Variants in CPE observed in about 807,000 individuals in gnomAD.
The protein encoded by CPE is carbocypeptidase E.
In CPE, 17 loss-of-function variants were observed where a neutral mutation model predicts 53.5. The observed-to-expected ratio is 0.32, with a 90% confidence interval of 0.22 to 0.48. The LOEUF (loss-of-function observed/expected upper bound fraction) is 0.48, where lower values mean the gene tolerates loss of function less well. Ranked by LOEUF, CPE falls within the 20% of genes least tolerant of loss-of-function variation. The pLI, the probability that CPE is intolerant of heterozygous loss-of-function variation, is 0.99. For synonymous variants in CPE, 226 were observed against 228.8 expected (o/e 0.99, Z 0.11); for missense variants, 524 against 614.7 (o/e 0.85, Z 1.56).
chr4:165,495,315 G>A (rs566802796), intron 7 of CPE, among the ~76,000 whole-genome samples: 12 of 152,214 alleles, frequency 7.9e-5, no homozygotes, highest in African/African-American at 2.2e-4. Flanking sequence ...ATGATCGTAC[G>A]AGGTTTATTA....
At chr4:165,417,648 A>G (rs1270507209) in intron 1 of CPE, among the ~76,000 whole-genome samples, 1 of 152,076 alleles carries the variant, frequency 6.6e-6, no homozygotes, top group Non-Finnish European at 1.5e-5. Flanking sequence ...AAAGTGATGT[A>G]GAAAAAAGCA....
intron 1 of CPE, among the ~76,000 whole-genome samples, chr4:165,427,064 T>C (rs1181349243): frequency 6.6e-6 from 1 of 152,224 alleles, no homozygotes; most frequent in Non-Finnish European, 1.5e-5. Flanking sequence ...CTTGAGTTAC[T>C]CCATATTGCT....
chr4:165,476,923 AG>A (rs1732311872), intron 3 of CPE, among the ~76,000 whole-genome samples: 1 of 152,212 alleles, frequency 6.6e-6, no homozygotes, highest in Non-Finnish European at 1.5e-5. Context: ...CAGGTGAAAG[AG>A]GGCAGTCCTG....
intron 1 of CPE, among the ~76,000 whole-genome samples, chr4:165,458,176 C>T (rs1731934761): frequency 6.6e-6 from 1 of 152,142 alleles, no homozygotes; most frequent in Admixed American, 6.5e-5. Context: ...TTCCAACTTG[C>T]TTGTATAGCA....
chr4:165,424,653 C>A (rs1373171549), intron 1 of CPE, among the ~76,000 whole-genome samples: 1 of 151,866 alleles, frequency 6.6e-6, no homozygotes. Flanking sequence ...CCTGCCTCAG[C>A]CTCCCGAGTA....
At position 165,493,280 on chromosome 4, in the gene CPE, T is replaced by C. The variant is rs767026740; in HGVS notation, c.1213+10T>C. Reference sequence around the variant, plus strand: ...CACGATGTTACATCCGGTGGGTCTTTGCCACAATTGGAGGCTCTACGTTAT... The same window carrying C: ...CACGATGTTACATCCGGTGGGTCTTCGCCACAATTGGAGGCTCTACGTTAT... On this transcript the variant is annotated intron_variant, in intron 7 of 8. Coordinates refer to ENST00000402744, the MANE Select transcript of CPE (RefSeq NM_001873.4). 2 of 1,586,456 alleles carry C rather than the reference T, an allele frequency of 1.3e-6. No individual in the cohort carries two copies. Among genetic ancestry groups the C allele is most frequent in the East Asian group, 2.2e-5 (1 of 44,762 alleles).
intron 6 of CPE, among the ~76,000 whole-genome samples, chr4:165,492,470 C>A (rs1732623648): frequency 2.0e-5 from 3 of 152,072 alleles, no homozygotes; most frequent in Admixed American, 2.0e-4. Context: ...AGACAAAACC[C>A]CTCAGACACC....
At chr4:165,481,285 T>G (rs1732407325) in intron 3 of CPE, among the ~76,000 whole-genome samples, 1 of 152,172 alleles carries the variant, frequency 6.6e-6, no homozygotes, top group South Asian at 2.1e-4. Context: ...GGTATGAATA[T>G]CTTTGCATAT....
chr4:165,459,908 C>CTT (rs1289712024), intron 1 of CPE, among the ~76,000 whole-genome samples: 1 of 85,706 alleles, frequency 1.2e-5, no homozygotes, highest in Non-Finnish European at 2.1e-5. Context: ...GAGTGAGACT[C>CTT]TGTCTCAAAA....
intron 1 of CPE, among the ~76,000 whole-genome samples, chr4:165,459,709 A>T: frequency 7.6e-6 from 1 of 132,258 alleles, no homozygotes. Flanking sequence ...GGTCAGGAGG[A>T]GTTCGAGACC....
intron 1 of CPE, among the ~76,000 whole-genome samples, chr4:165,423,985 A>T (rs917027883): frequency 5.9e-5 from 9 of 152,054 alleles, no homozygotes; most frequent in Admixed American, 6.6e-5. Flanking sequence ...ATCATTTTTT[A>T]AAAAAATCCC....
At chr4:165,450,538 A>C (rs1260535694) in intron 1 of CPE, among the ~76,000 whole-genome samples, 2 of 152,238 alleles carry the variant, frequency 1.3e-5, no homozygotes, top group Non-Finnish European at 2.9e-5. Context: ...ATCCATGATT[A>C]CTCATAATTT....
intron 1 of CPE, among the ~76,000 whole-genome samples, chr4:165,395,366 A>G (rs1300521241): frequency 6.6e-6 from 1 of 152,192 alleles, no homozygotes; most frequent in East Asian, 1.9e-4. Context: ...ACCTTTGGGT[A>G]TTAATGAGAG....
At chr4:165,459,274 T>C (rs1205780740) in intron 1 of CPE, among the ~76,000 whole-genome samples, 3 of 151,462 alleles carry the variant, frequency 2.0e-5, no homozygotes, top group Non-Finnish European at 2.9e-5. Flanking sequence ...TAATTAAAAC[T>C]GTGGATATTT....
chr4:165,413,517 G>T (rs945642221), intron 1 of CPE, among the ~76,000 whole-genome samples: 2 of 151,904 alleles, frequency 1.3e-5, no homozygotes, highest in Admixed American at 1.3e-4. Flanking sequence ...AGAGGCTTTG[G>T]ACTCATAGCT....
intron 1 of CPE, 60 bp from the exon 2 acceptor site, chr4:165,464,330 C>T: frequency 7.7e-7 from 1 of 1,291,284 alleles, no homozygotes; most frequent in Non-Finnish European, 1.1e-6. Flanking sequence ...TGTAGGTATA[C>T]AATATATTTG....
chr4:165,480,995 GAT>G (rs758491096), intron 3 of CPE, among the ~76,000 whole-genome samples: 8,392 of 131,872 alleles, frequency 0.064, 378 homozygotes, highest in Non-Finnish European at 0.086. Context: ...TTCTACAATG[GAT>G]ATATATATAT....
At chr4:165,416,464 A>G (rs1284923600) in intron 1 of CPE, among the ~76,000 whole-genome samples, 1 of 152,106 alleles carries the variant, frequency 6.6e-6, no homozygotes, top group Non-Finnish European at 1.5e-5. Context: ...CACTTACACA[A>G]AAGGGTGCTG....
intron 1 of CPE, among the ~76,000 whole-genome samples, chr4:165,434,067 C>A (rs764623038): frequency 5.3e-5 from 8 of 152,126 alleles, no homozygotes; most frequent in Non-Finnish European, 8.8e-5. Flanking sequence ...CTCAGGGAAA[C>A]CTTCCTTGTC....
Sources: gnomAD v4.1 joint callset for allele counts (sites outside exome capture counted in the v4.1 genomes callset) on GRCh38, gnomAD v4.1.1 for gene constraint, MANE v1.5 for transcripts, NCBI Gene and HGNC (gene_info 2026-07-23, HGNC 2026-07-21) for gene names.